Variants in NRP1 observed in about 807,000 individuals in gnomAD.
NRP1 encodes neuropilin-1.
A neutral mutation model predicts 106.7 loss-of-function variants in NRP1; 35 were observed. The ratio of observed to expected loss-of-function variants is 0.33; its 90% confidence interval spans 0.25 to 0.43. The LOEUF is 0.43. NRP1 is among the 20% of genes least tolerant of loss of function. The pLI is 1.00. For missense variants in NRP1, 1,024 were observed against 1,170.4 expected, an observed-to-expected ratio of 0.87 and a Z score of 1.83; for synonymous variants, 437 against 417.9, an observed-to-expected ratio of 1.05 and a Z score of -0.56.
intron 13 of NRP1, among the ~76,000 whole-genome samples, chr10:33,191,063 G>T (rs908572739): frequency 6.6e-6 from 1 of 152,028 alleles, no homozygotes; most frequent in African/African-American, 2.4e-5. Context: ...TTGCTATGTT[G>T]CCCAGGCTGG....
At chr10:33,196,107 G>C (rs1344020941) in intron 12 of NRP1, among the ~76,000 whole-genome samples, 2 of 152,086 alleles carry the variant, frequency 1.3e-5, no homozygotes, top group African/African-American at 2.4e-5. Flanking sequence ...ATTCAGGGAA[G>C]ATTACCTAGA....
intron 6 of NRP1, among the ~76,000 whole-genome samples, chr10:33,237,440 G>T (rs1267279712): frequency 6.6e-6 from 1 of 151,538 alleles, no homozygotes; most frequent in Non-Finnish European, 1.5e-5. Flanking sequence ...GGAAGCAGAA[G>T]CGGCCAGCTT....
intron 2 of NRP1, among the ~76,000 whole-genome samples, chr10:33,282,219 C>T (rs931924877): frequency 1.1e-4 from 17 of 151,888 alleles, no homozygotes; most frequent in African/African-American, 2.7e-4. Context: ...GTGCTATTAG[C>T]GTGCAGCACT....
chr10:33,210,804 C>T lies in NRP1; in HGVS notation c.1614+2582G>A, dbSNP rs558908410. Among the ~76,000 whole-genome samples, 25 of 152,314 alleles carry T rather than the reference C, an allele frequency of 1.6e-4. No homozygotes were observed. The South Asian group carries it at 4.6e-3, about 28-fold the overall frequency. ...TTACTTTTACATAAAAGGTACTTGG[C>T]ATCTTAAGAGGTAGCCTTCACTTGT... is the stretch of plus-strand genomic sequence containing the variant. On this transcript the variant is annotated intron_variant, in intron 9 of 16. Coordinates refer to ENST00000374867, the MANE Select transcript of NRP1 (RefSeq NM_003873.7).
intron 2 of NRP1, among the ~76,000 whole-genome samples, chr10:33,318,254 A>C (rs768420086): frequency 6.6e-6 from 1 of 152,180 alleles, no homozygotes; most frequent in Non-Finnish European, 1.5e-5. Flanking sequence ...AACACTGTCA[A>C]ATCCACGATG....
In NRP1 at chr10:33,263,884, A is replaced by C; in HGVS notation, c.431-11T>G. ...GGGAACATTCAGGACCTATGAGTAG[A>C]AGAGAAAAAGGAGTAAAGTGAAAAT... On this transcript the variant is annotated splice_polypyrimidine_tract_variant and intron_variant, in intron 3 of 16. Coordinates refer to ENST00000374867, the MANE Select transcript of NRP1 (RefSeq NM_003873.7). 1 of 1,539,748 alleles carries C rather than the reference A, an allele frequency of 6.5e-7. No individual in the cohort carries two copies. The highest frequency in any genetic ancestry group is 9.0e-7 in the Non-Finnish European group (1 of 1,113,620).
intron 13 of NRP1, among the ~76,000 whole-genome samples, chr10:33,190,983 G>A (rs1836369974): frequency 6.6e-6 from 1 of 151,898 alleles, no homozygotes; most frequent in Admixed American, 6.6e-5. Context: ...CTGAGTAGCT[G>A]GGACTACAAG....
chr10:33,267,314 G>T lies in NRP1; in HGVS notation c.430+3361C>A, dbSNP rs189719272. On this transcript the variant is annotated intron_variant, in intron 3 of 16. Transcript: ENST00000374867. ...GATGAGAATACAACACAGGAGATGA[G>T]CAGGAGTGAGGCCAACAGCCCTGGG... 2.1e-3 allele frequency among the ~76,000 whole-genome samples: 324 copies of T among 152,278 alleles called. 3 individuals are homozygous for T. The highest frequency in any genetic ancestry group is 3.4e-3 in the Middle Eastern group (1 of 294).
chr10:33,183,350 AG>A (rs201914524), intron 15 of NRP1, among the ~76,000 whole-genome samples: 2 of 151,608 alleles, frequency 1.3e-5, no homozygotes, highest in East Asian at 3.9e-4. Flanking sequence ...AAAAAAAAAA[AG>A]AAGAGAAGGG....
chr10:33,293,761 T>C (rs1588939153), intron 2 of NRP1, among the ~76,000 whole-genome samples: 2 of 152,226 alleles, frequency 1.3e-5, no homozygotes, highest in African/African-American at 4.8e-5. Flanking sequence ...ACACACGTGC[T>C]CAAAACCCAA....
At chr10:33,199,403 T>A (rs1174227055) in intron 11 of NRP1, among the ~76,000 whole-genome samples, 1,511 of 88,818 alleles carry the variant, frequency 0.017, 38 homozygotes, top group Non-Finnish European at 0.024. Context: ...TTTTTTTTTT[T>A]TTTTTTTTTT....
chr10:33,321,699 G>A (rs571581158), intron 2 of NRP1, among the ~76,000 whole-genome samples: 39 of 152,256 alleles, frequency 2.6e-4, no homozygotes, highest in Middle Eastern at 3.4e-3. Context: ...TGCTGGTAGC[G>A]TCCAACAGTT....
chr10:33,201,039 G>A (rs1000456611), intron 11 of NRP1: 1 of 152,068 alleles, frequency 6.6e-6, no homozygotes, highest in African/African-American at 2.4e-5. Context: ...ATGCTAATAT[G>A]TAAAAAGAAA....
chr10:33,276,329 T>TC (rs781397532), intron 2 of NRP1, among the ~76,000 whole-genome samples: 2 of 152,126 alleles, frequency 1.3e-5, no homozygotes, highest in Non-Finnish European at 2.9e-5. Flanking sequence ...TTTTTTTTCT[T>TC]CCCCCACCCA....
chr10:33,192,909 TCAC>T (rs1445326344), intron 12 of NRP1, among the ~76,000 whole-genome samples: 1 of 152,212 alleles, frequency 6.6e-6, no homozygotes, highest in Non-Finnish European at 1.5e-5. Context: ...TATTTCCACC[TCAC>T]CAGTTCATGC....
chr10:33,289,007 G>T (rs551605802), intron 2 of NRP1, among the ~76,000 whole-genome samples: 5 of 152,222 alleles, frequency 3.3e-5, no homozygotes, highest in African/African-American at 1.2e-4. Context: ...CTGGGATTAA[G>T]TTCATGCTAC....
chr10:33,235,772 C>T (rs1840506232), intron 6 of NRP1, among the ~76,000 whole-genome samples: 1 of 152,208 alleles, frequency 6.6e-6, no homozygotes, highest in African/African-American at 2.4e-5. Context: ...AAGTAATCAA[C>T]ATCTAATGCA....
At chr10:33,297,953 A>T (rs529759786) in intron 2 of NRP1, among the ~76,000 whole-genome samples, 1 of 152,214 alleles carries the variant, frequency 6.6e-6, no homozygotes, top group South Asian at 2.1e-4. Flanking sequence ...TTATCTTCTG[A>T]AAACTAGTGC....
chr10:33,215,360 T>G (rs1838673510), intron 8 of NRP1, among the ~76,000 whole-genome samples: 1 of 152,236 alleles, frequency 6.6e-6, no homozygotes, highest in Non-Finnish European at 1.5e-5. Context: ...TCTCTAAGGC[T>G]TTAAGATTGT....
Sources: allele counts gnomAD v4.1 joint callset (sites outside exome capture counted in the v4.1 genomes callset), GRCh38; gene constraint gnomAD v4.1.1; transcripts MANE v1.5; gene names NCBI Gene and HGNC (gene_info 2026-07-23, HGNC 2026-07-21).